Variants in TOP3B observed in about 807,000 individuals in gnomAD.
TOP3B encodes the protein DNA topoisomerase III beta.
A neutral mutation model predicts 93.9 loss-of-function variants in TOP3B; 45 were observed. That is an observed-to-expected ratio of 0.48 (90% CI 0.38 to 0.61). The LOEUF is 0.61. Ranked by LOEUF, TOP3B falls within the 20% of genes least tolerant of loss-of-function variation. TOP3B has a pLI of 0.00. For missense variants in TOP3B, 750 were observed against 1,156.1 expected (o/e 0.65, Z 5.09); for synonymous variants, 357 against 472.6 (o/e 0.76, Z 3.17).
intron 1 of TOP3B, among the ~76,000 whole-genome samples, chr22:21,981,112 AG>A (rs1163306146): frequency 1.3e-5 from 2 of 152,212 alleles, no homozygotes; most frequent in African/African-American, 4.8e-5. Context: ...TCTCTTCCAA[AG>A]TAGGAAATTT....
At chr22:21,980,186 A>G (rs951948949) in intron 1 of TOP3B, among the ~76,000 whole-genome samples, 1 of 152,202 alleles carries the variant, frequency 6.6e-6, no homozygotes, top group African/African-American at 2.4e-5. Flanking sequence ...CAAAACAAAC[A>G]GTCCAAGCAA....
rs1473520250 is a variant in TOP3B at position 21,967,736 on chromosome 22, G to A, written c.739-20C>T. 6.3e-7 allele frequency: 1 copy of A among 1,594,110 alleles called. No individual in the cohort carries two copies. The highest frequency in any genetic ancestry group is 1.7e-5 in the Admixed American group (1 of 59,960). On this transcript the variant is annotated intron_variant, in intron 7 of 17. Coordinates refer to ENST00000357179, the MANE Select transcript of TOP3B (RefSeq NM_001282112.2). ...GTTAACCTGCAGGAAAAAGGATAAA[G>A]GGTGAACGCACAAGAAAAAGTCTCC...
chr22:21,963,037 G>A lies in TOP3B; in HGVS notation c.1205-144C>T. On this transcript the variant is annotated intron_variant, in intron 11 of 17. Transcript: ENST00000357179. This position sits in a 1 kb window ranked among gnomAD's most constrained non-coding sequence, Gnocchi z 4.8. ...CTGCAAATCCTGGGGAAGGAGGAAAGAAAATGTGCAGGAAGGCCGGGCGTG... is the reference window on the plus strand; with the variant it reads ...CTGCAAATCCTGGGGAAGGAGGAAAAAAAATGTGCAGGAAGGCCGGGCGTG... 1 of 1,042,656 alleles carries A rather than the reference G, an allele frequency of 9.6e-7. No homozygotes were observed. 64.6% of individuals were successfully genotyped at this position (1,042,656 alleles called of 1,614,324 possible).
intron 9 of TOP3B, 154 bp from the exon 10 acceptor site, chr22:21,964,469 G>T: frequency 1.2e-6 from 1 of 822,452 alleles, no homozygotes; most frequent in Non-Finnish European, 1.9e-6. Context: ...AAAGCTGCTG[G>T]CCGGGTGGGC....
chr22:21,962,717 AGAG>A (rs755529590), intron 12 of TOP3B, 27 bp downstream of exon 12: 24 of 1,613,244 alleles, frequency 1.5e-5, no homozygotes, highest in Admixed American at 1.3e-4. Context: ...ATGAAGGCAC[AGAG>A]GAGGAAGGCT....
chr22:21,970,960 G>A lies in TOP3B; in HGVS notation c.385-554C>T. On this transcript the variant is annotated intron_variant, in intron 5 of 17. Coordinates refer to ENST00000357179, the MANE Select transcript of TOP3B (RefSeq NM_001282112.2). The surrounding 1 kb of genome is among the most constrained non-coding windows in gnomAD (Gnocchi z 4.4). ...CAGCTCGGGCTAAAGCACAGCAGGG[G>A]TCCTGGAGCCGAGACTCACTAGGAA... The A allele has an allele frequency of 8.2e-7, 1 of 1,221,530 alleles. No homozygotes were observed. The highest frequency in any genetic ancestry group is 2.8e-4 in the Middle Eastern group (1 of 3,596). 75.7% of individuals were successfully genotyped at this position (1,221,530 alleles called of 1,614,324 possible).
Position 21,960,421 on chromosome 22 carries a change from G to A in TOP3B, c.1554C>T (p.Ile518=). 1.2e-6 allele frequency: 2 copies of A among 1,613,692 alleles called. No individual in the cohort carries two copies. The highest frequency in any genetic ancestry group is 1.7e-6 in the Non-Finnish European group (2 of 1,179,988). The stretch of plus-strand genomic sequence containing the variant: ...CATAGTTGCGCTGGCAGATGTTGTT[G>A]ATATGCACAGGGATGCTGGCATCCG... The part of the protein sequence containing the change: ...IGTDASIPVH[I]NNICQRNYVT... Residue 518 remains isoleucine (I), a synonymous_variant, in exon 14 of 18, where the codon ATC becomes ATT. Coordinates refer to ENST00000357179, the MANE Select transcript of TOP3B (RefSeq NM_001282112.2).
intron 1 of TOP3B, among the ~76,000 whole-genome samples, chr22:21,979,809 C>T (rs548405111): frequency 1.7e-4 from 26 of 151,750 alleles, no homozygotes; most frequent in African/African-American, 5.3e-4. Context: ...GGCATGGTGG[C>T]AGGCGCCTGT....
rs1248514758 is a variant in TOP3B, at chr22:21,971,081, T to A, written c.385-675A>T. On this transcript the variant is annotated intron_variant, in intron 5 of 17. Coordinates refer to ENST00000357179, the MANE Select transcript of TOP3B (RefSeq NM_001282112.2). This position sits in a 1 kb window ranked among gnomAD's most constrained non-coding sequence, Gnocchi z 4.6. ...TCATTTCTGAAGGGAGAAAGCCCCA[T>A]GAGCTGCCCCCATTCTCCATTCCCA... 8 of 1,301,104 alleles carry A rather than the reference T, an allele frequency of 6.1e-6. No individual in the cohort carries two copies. Among genetic ancestry groups the A allele is most frequent in the Admixed American group, 4.6e-5 (2 of 43,356 alleles). 80.6% of individuals were successfully genotyped at this position (1,301,104 alleles called of 1,614,324 possible). A position where few individuals can be genotyped will look rare whatever the true frequency, so the allele number is the denominator to read the frequency against.
chr22:21,970,129 C>T lies in TOP3B; in HGVS notation c.581+81G>A. 1.3e-6 allele frequency: 2 copies of T among 1,539,526 alleles called. No individual in the cohort carries two copies. The highest frequency in any genetic ancestry group is 1.8e-6 in the Non-Finnish European group (2 of 1,141,308). On this transcript the variant is annotated intron_variant, in intron 6 of 17. Transcript: ENST00000357179. The surrounding 1 kb of genome is among the most constrained non-coding windows in gnomAD (Gnocchi z 4.4). The stretch of plus-strand genomic sequence containing the variant: ...CCTGGCTCGAGGAGGCCTAGGGGCC[C>T]CGGAGGGGGACCAGTAGAGGCAGGT...
chr22:21,981,724 G>A lies in TOP3B; in HGVS notation c.-99+1006C>T, dbSNP rs139556755. 1.3e-4 allele frequency among the ~76,000 whole-genome samples: 20 copies of A among 152,086 alleles called. No homozygotes were observed. The East Asian group carries it at 3.9e-3, about 29-fold the overall frequency. ...AGGCAGGAGAATCACTTGAACCCGGGGGCGGAGGTTGCAGTGAGCTGAGAT... is the reference window on the plus strand; with the variant it reads ...AGGCAGGAGAATCACTTGAACCCGGAGGCGGAGGTTGCAGTGAGCTGAGAT... On this transcript the variant is annotated intron_variant, in intron 1 of 17. Coordinates refer to ENST00000357179, the MANE Select transcript of TOP3B (RefSeq NM_001282112.2).
intron 16 of TOP3B, 171 bp from the exon 17 acceptor site, chr22:21,958,864 A>C: frequency 4.9e-6 from 6 of 1,219,220 alleles, no homozygotes; most frequent in Non-Finnish European, 6.6e-6. Flanking sequence ...CAGAAAAGGC[A>C]GTTCTAAAAT....
chr22:21,980,312 C>T (rs1045185236), intron 1 of TOP3B, among the ~76,000 whole-genome samples: 1 of 152,124 alleles, frequency 6.6e-6, no homozygotes, highest in Non-Finnish European at 1.5e-5. Flanking sequence ...GGGACAAGAA[C>T]TAAGACAAGG....
Position 21,970,915 on chromosome 22 carries a change from G to C in TOP3B, c.385-509C>G. ...GGCAAGAGCAGGAAGGCCACGGGTGGTCCTAGCTTGTGGTGGGGGCAGCTC... is the reference window on the plus strand; with the variant it reads ...GGCAAGAGCAGGAAGGCCACGGGTGCTCCTAGCTTGTGGTGGGGGCAGCTC... On this transcript the variant is annotated intron_variant, in intron 5 of 17. Transcript: ENST00000357179. The surrounding 1 kb of genome is among the most constrained non-coding windows in gnomAD (Gnocchi z 4.4). The C allele has an allele frequency of 1.1e-6, 1 of 948,280 alleles. No individual in the cohort carries two copies. 58.7% of individuals were successfully genotyped at this position (948,280 alleles called of 1,614,324 possible).
intron 16 of TOP3B, 144 bp downstream of exon 16, chr22:21,958,988 G>A (rs904206766): frequency 1.6e-5 from 20 of 1,257,352 alleles, no homozygotes; most frequent in Admixed American, 2.6e-5. Flanking sequence ...TGGGGACACT[G>A]GGTATTTTTT....
At position 21,962,773 on chromosome 22, in the gene TOP3B, C is replaced by A. The variant is rs1264154430; in HGVS notation, c.1325G>T (p.Cys442Phe). The A allele has an allele frequency of 6.8e-6, 11 of 1,614,014 alleles. No individual in the cohort carries two copies. The highest frequency in any genetic ancestry group is 1.3e-5 in the African/African-American group (1 of 74,898). The change falls in exon 12 of 18, where the codon TGC becomes TTC. Residue 442 changes from cysteine (C) to phenylalanine (F), a missense_variant. Cys to Phe is a radical substitution (Grantham distance 205). Around this residue, in one of 4 missense-constraint regions of TOP3B, gnomAD observed 737 missense variants for 933.7 expected, o/e 0.79. Coordinates refer to ENST00000357179, the MANE Select transcript of TOP3B (RefSeq NM_001282112.2). ...SFRIGPELFTCSGKTVLSPGF... is the reference protein window; with the variant it reads ...SFRIGPELFTFSGKTVLSPGF... Reference sequence around the variant, plus strand: ...TGGTGAGAGGACGGTCTTCCCGGAGCAGGTGAAGAGCTCGGGCCCAATTCT... The same window carrying A: ...TGGTGAGAGGACGGTCTTCCCGGAGAAGGTGAAGAGCTCGGGCCCAATTCT...
intron 13 of TOP3B, chr22:21,961,864 C>T (rs1304701141): frequency 5.9e-6 from 1 of 169,424 alleles, no homozygotes; most frequent in Non-Finnish European, 1.3e-5. Context: ...AGCTCCAGGC[C>T]TGGGGACTTG....
At chr22:21,977,338 G>C (rs2145881760) in intron 1 of TOP3B, 1 of 152,278 alleles carries the variant, frequency 6.6e-6, no homozygotes, top group Non-Finnish European at 1.5e-5. Context: ...AGACCAGCCT[G>C]GCCAACATGG....
chr22:21,965,367 G>A lies in TOP3B; in HGVS notation c.861C>T (p.Ala287=). 1.2e-6 allele frequency: 2 copies of A among 1,603,428 alleles called. No homozygotes were observed. The highest frequency in any genetic ancestry group is 3.4e-5 in the Admixed American group (2 of 58,816). ...TKLEKEAQVE[A]TSRKEKAKQR... ...GCTTGGCCTTTTCTTTCCTGCTTGT[G>A]GCCTCCACCTGGAAGACAGGACAGT... The change falls in exon 9 of 18, where the codon GCC becomes GCT. Residue 287 remains alanine (A), a synonymous_variant. Coordinates refer to ENST00000357179, the MANE Select transcript of TOP3B (RefSeq NM_001282112.2).
Sources: gnomAD v4.1 joint callset for allele counts (sites outside exome capture counted in the v4.1 genomes callset) on GRCh38, gnomAD v4.1.1 for gene constraint, gnomAD v4.1.1 regional missense constraint, Gnocchi (gnomAD v3.1) non-coding constraint, MANE v1.5 for transcripts, NCBI Gene and HGNC (gene_info 2026-07-23, HGNC 2026-07-21) for gene names.